The following KCNK10 variants were observed in gnomAD, a reference collection of about 807,000 sequenced individuals.
KCNK10 encodes potassium two pore domain channel subfamily K member 10, also known as potassium channel subfamily K member 10.
KCNK10 carries 25 observed loss-of-function variants against 47.7 expected under a neutral mutation model. The observed-to-expected ratio is 0.52, with a 90% CI of 0.38 to 0.73. KCNK10 has a LOEUF of 0.73. KCNK10 is among the 30% of genes least tolerant of loss of function. The probability of loss-of-function intolerance (pLI) is 0.00; values close to 1 mark genes in which losing one functional copy is unlikely to be tolerated. For missense variants in KCNK10, 563 were observed against 714.5 expected (o/e 0.79, Z 2.42); for synonymous variants, 303 against 285.6 (o/e 1.06, Z -0.61).
chr14:88,211,216 C>T (rs1885447025), intron 4 of KCNK10, among the ~76,000 whole-genome samples: 1 of 152,180 alleles, frequency 6.6e-6, no homozygotes, highest in African/African-American at 2.4e-5. Flanking sequence ...ATTCATGAAG[C>T]CTTAAAGACA....
At chr14:88,252,238 G>A (rs1016124802) in intron 2 of KCNK10, among the ~76,000 whole-genome samples, 2 of 152,062 alleles carry the variant, frequency 1.3e-5, no homozygotes, top group Non-Finnish European at 2.9e-5. Flanking sequence ...GAGAGAGAAA[G>A]GGGCACTATT....
chr14:88,326,292 G>C (rs941833886), upstream of KCNK10: 5 of 738,742 alleles, frequency 6.8e-6, no homozygotes, highest in Non-Finnish European at 2.4e-6. Flanking sequence ...ATTTGGAGTG[G>C]ACTGCATGGA....
intron 1 of KCNK10, among the ~76,000 whole-genome samples, chr14:88,311,555 A>T (rs1888330435): frequency 6.6e-6 from 1 of 152,132 alleles, no homozygotes; most frequent in East Asian, 1.9e-4. Flanking sequence ...TCTATACCAG[A>T]CTGTGAGTGC....
chr14:88,313,380 G>A (rs1888366533), intron 1 of KCNK10, among the ~76,000 whole-genome samples: 1 of 152,214 alleles, frequency 6.6e-6, no homozygotes, highest in Admixed American at 6.5e-5. Context: ...ACTAACTTTA[G>A]TGACTGGCGT....
intron 5 of KCNK10, among the ~76,000 whole-genome samples, chr14:88,191,104 G>C (rs907722772): frequency 6.6e-6 from 1 of 151,946 alleles, no homozygotes; most frequent in Non-Finnish European, 1.5e-5. Context: ...ATAAAAAATA[G>C]CCAGGCATGG....
chr14:88,212,979 T>A (rs1885509712), intron 4 of KCNK10, among the ~76,000 whole-genome samples: 1 of 152,200 alleles, frequency 6.6e-6, no homozygotes, highest in African/African-American at 2.4e-5. Context: ...GGGAGCTGGC[T>A]CTTTGGGGTG....
intron 4 of KCNK10, among the ~76,000 whole-genome samples, chr14:88,223,390 C>T (rs1025732724): frequency 1.3e-5 from 2 of 151,750 alleles, no homozygotes; most frequent in Non-Finnish European, 2.9e-5. Context: ...AATGCCCATC[C>T]CTGAGTAAAT....
chr14:88,266,138 G>C (rs746509417), intron 1 of KCNK10, among the ~76,000 whole-genome samples: 63 of 152,184 alleles, frequency 4.1e-4, no homozygotes, highest in Non-Finnish European at 1.3e-4. Context: ...GTTCTGCACA[G>C]TACCTGGCAC....
chr14:88,195,128 A>T (rs1422092046), intron 4 of KCNK10, among the ~76,000 whole-genome samples: 1 of 152,034 alleles, frequency 6.6e-6, no homozygotes, highest in African/African-American at 2.4e-5. Flanking sequence ...CAGTTTTCTT[A>T]TCCCCATTAG....
chr14:88,323,255 CCCG>C lies in KCNK10; in HGVS notation c.-460_-458del. 3.0e-6 allele frequency: 3 copies of C among 987,062 alleles called. No individual in the cohort carries two copies. Among genetic ancestry groups the C allele is most frequent in the Non-Finnish European group, 3.6e-6 (3 of 831,234 alleles). The allele number at this position is 987,062 out of a possible 1,614,324, so 61.1% of individuals were successfully genotyped here. ...GCACACACACACCCGCACACACACT[CCCG>C]GGCGCGCGCTTGGGCGGGCACGTCA... On this transcript the variant is annotated 5_prime_UTR_variant, in exon 1 of 7. Coordinates refer to ENST00000319231, the MANE Select transcript of KCNK10 (RefSeq NM_138317.3).
At chr14:88,294,138 A>G (rs1887936571) in intron 1 of KCNK10, among the ~76,000 whole-genome samples, 1 of 152,210 alleles carries the variant, frequency 6.6e-6, no homozygotes, top group African/African-American at 2.4e-5. Flanking sequence ...AGGTTCCATG[A>G]GTGAAGCACA....
In KCNK10 at chr14:88,186,773, T is replaced by G. The variant is rs908361632; in HGVS notation, c.1012-618A>C. On this transcript the variant is annotated intron_variant, in intron 6 of 6. Coordinates refer to ENST00000319231, the MANE Select transcript of KCNK10 (RefSeq NM_138317.3). The surrounding 1 kb of genome is among the most constrained non-coding windows in gnomAD (Gnocchi z 5.5). The stretch of plus-strand genomic sequence containing the variant: ...CCACCCTATCTGGGCCATGCTATGG[T>G]CATGTGCTGTGGGGCTTTCCCTGGT... Among the ~76,000 whole-genome samples the G allele has an allele frequency of 1.3e-5, 2 of 152,178 alleles. No homozygotes were observed. Among genetic ancestry groups the G allele is most frequent in the East Asian group, 3.9e-4 (2 of 5,182 alleles).
At chr14:88,195,533 G>A (rs972138817) in intron 4 of KCNK10, among the ~76,000 whole-genome samples, 11 of 152,096 alleles carry the variant, frequency 7.2e-5, no homozygotes, top group African/African-American at 2.7e-4. Flanking sequence ...TCAGGAGGTC[G>A]CTGCTGGTTG....
intron 1 of KCNK10, among the ~76,000 whole-genome samples, chr14:88,285,942 T>C (rs1475057400): frequency 1.3e-5 from 2 of 152,224 alleles, no homozygotes; most frequent in East Asian, 3.8e-4. Flanking sequence ...AGTGACACTA[T>C]GTGACCTCCA....
intron 1 of KCNK10, among the ~76,000 whole-genome samples, chr14:88,296,116 T>C (rs1337914566): frequency 6.6e-6 from 1 of 152,146 alleles, no homozygotes; most frequent in Non-Finnish European, 1.5e-5. Flanking sequence ...GAAGCTCTTT[T>C]ATGTAACTCT....
At chr14:88,323,305 C>T (rs935759161), upstream of KCNK10, 2 of 985,210 alleles carry the variant, frequency 2.0e-6, no homozygotes, top group Non-Finnish European at 2.4e-6. Flanking sequence ...CCGCGCTGAG[C>T]GCACACGCCC....
At chr14:88,264,604 G>A (rs1887205273) in intron 1 of KCNK10, among the ~76,000 whole-genome samples, 1 of 152,212 alleles carries the variant, frequency 6.6e-6, no homozygotes, top group South Asian at 2.1e-4. Flanking sequence ...TAGAGGTGAT[G>A]GCTTAGAAGA....
rs1555360668 is a variant in KCNK10, at chr14:88,213,955, T to TTATTATTAC, written c.681+13419_681+13420insGTAATAATA. 4.5e-3 allele frequency among the ~76,000 whole-genome samples: 655 copies of TTATTATTAC among 144,368 alleles called. 3 individuals carry two copies. The highest frequency in any genetic ancestry group is 0.015 in the Middle Eastern group (4 of 274). The allele number at this position is 144,368 out of a possible 152,430, so 94.7% of individuals were successfully genotyped here. On this transcript the variant is annotated intron_variant, in intron 4 of 6. Coordinates refer to ENST00000319231, the MANE Select transcript of KCNK10 (RefSeq NM_138317.3). ...ATTATTATTATTATTATTATTATTA[T>TTATTATTAC]TGAGACAGAGTTTCACTCGTGTTGC...
At chr14:88,202,937 G>A (rs1157278370) in intron 4 of KCNK10, among the ~76,000 whole-genome samples, 1 of 152,364 alleles carries the variant, frequency 6.6e-6, no homozygotes, top group South Asian at 2.1e-4. Flanking sequence ...GACAGAGGGT[G>A]AGGGACTGGA....
Sources: allele counts gnomAD v4.1 joint callset (sites outside exome capture counted in the v4.1 genomes callset), GRCh38; gene constraint gnomAD v4.1.1; non-coding constraint Gnocchi (gnomAD v3.1); transcripts MANE v1.5; gene names NCBI Gene and HGNC (gene_info 2026-07-23, HGNC 2026-07-21).